Variants in EPHX3 observed in about 807,000 individuals in gnomAD.
The protein encoded by EPHX3 is abhydrolase domain containing 9.
EPHX3 carries 39 observed loss-of-function variants against 40.2 expected under a neutral mutation model. The ratio of observed to expected loss-of-function variants is 0.97; its 90% CI spans 0.75 to 1.27. EPHX3 has a LOEUF of 1.27. Ranked by LOEUF, EPHX3 falls within the 50% of genes most tolerant of loss-of-function variation. The pLI is 0.00. For missense variants in EPHX3, 442 were observed against 474.0 expected (o/e 0.93, Z 0.63); for synonymous variants, 213 against 209.7 (o/e 1.02, Z -0.14).
chr19:15,227,531 T>G lies in EPHX3; in HGVS notation c.989A>C (p.His330Pro). The change falls in exon 7 of 7, where the codon CAC (histidine) becomes CCC (proline). Residue 330 changes from histidine to proline, a missense_variant. Physicochemically the swap from His to Pro is moderately conservative, Grantham distance 77 (BLOSUM62 -2). Coordinates refer to ENST00000221730, the MANE Select transcript of EPHX3 (RefSeq NM_024794.3). Reference protein sequence around the residue: ...SRFVPGRLEAHILPGIGHWIP... With the variant: ...SRFVPGRLEAPILPGIGHWIP... ...CCAATGCCCTATGCCTGGCAGGATG[T>G]GGGCCTCCAAGCGGCCCGGCACAAA... 1 of 1,614,114 alleles carries G rather than the reference T, an allele frequency of 6.2e-7. No individual in the cohort carries two copies. The highest frequency in any genetic ancestry group is 8.5e-7 in the Non-Finnish European group (1 of 1,180,012).
At chr19:15,229,387 C>T (rs1720544387) in intron 4 of EPHX3, among the ~76,000 whole-genome samples, 1 of 151,960 alleles carries the variant, frequency 6.6e-6, no homozygotes, top group South Asian at 2.1e-4. Context: ...ATCGCTTGAG[C>T]CCAGGAGTTC....
upstream of EPHX3, chr19:15,232,560 A>T (rs1339805675): frequency 1.7e-6 from 1 of 583,642 alleles, no homozygotes; most frequent in Non-Finnish European, 2.4e-6. Context: ...AAGACTCAGC[A>T]GCGGGTGGGT....
Position 15,232,194 on chromosome 19 carries a change from C to A in EPHX3, c.18G>T (p.Val6=). ...GGCGCGACGGCGCCAGCAGCGCGGT[C>A]ACCACCAGCTCCGGCATGTCGCCGC... The part of the protein sequence containing the change: MPELV[V]TALLAPSRLS... Residue 6 remains valine (V), a synonymous_variant, in exon 1 of 7, where the codon GTG becomes GTT. Transcript: ENST00000221730. 2.0e-6 allele frequency: 3 copies of A among 1,520,120 alleles called. No homozygotes were observed. In the South Asian group the frequency reaches 3.6e-5, roughly 18 times the overall value. 94.2% of individuals were successfully genotyped at this position (1,520,120 alleles called of 1,614,324 possible).
At chr19:15,231,645 G>C in intron 2 of EPHX3, 131 bp downstream of exon 2, 1 of 1,057,098 alleles carries the variant, frequency 9.5e-7, no homozygotes. Flanking sequence ...GGGTATGCTG[G>C]CTCAGTACCC....
Position 15,232,328 on chromosome 19 carries a change from C to T in EPHX3, c.-117G>A. 7.3e-7 allele frequency: 1 copy of T among 1,378,096 alleles called. No individual in the cohort carries two copies. Among genetic ancestry groups the T allele is most frequent in the South Asian group, 1.7e-5 (1 of 59,786 alleles). The allele number at this position is 1,378,096 out of a possible 1,614,324, so 85.4% of individuals were successfully genotyped here. ...TTGGCCTGGGGCCCCTCCGTGCCGT[C>T]GGGATTTGTGGGACGCGCTGAAGGA... On this transcript the variant is annotated 5_prime_UTR_variant, in exon 1 of 7. Transcript: ENST00000221730.
rs1568370873 is a variant in EPHX3 at position 15,227,601 on chromosome 19, C to T, written c.919G>A (p.Asp307Asn). 6.2e-7 allele frequency: 1 copy of T among 1,614,106 alleles called. No individual in the cohort carries two copies. The highest frequency in any genetic ancestry group is 2.2e-5 in the East Asian group (1 of 44,872). ...TPTLLLWGEKDTYLELGLVEA... is the reference protein window; with the variant it reads ...TPTLLLWGEKNTYLELGLVEA... ...ACCAGCCCCAGCTCCAAGTAAGTGT[C>T]CTTCTCCCCCCACAGCAGCAATGTG... is the stretch of plus-strand genomic sequence containing the variant. Residue 307 changes from aspartate to asparagine, a missense_variant, in exon 7 of 7, where the codon GAC (aspartate) becomes AAC (asparagine). Asp to Asn is a conservative substitution (Grantham distance 23). Coordinates refer to ENST00000221730, the MANE Select transcript of EPHX3 (RefSeq NM_024794.3).
chr19:15,235,207 G>A (rs2047183096), upstream of EPHX3, among the ~76,000 whole-genome samples: 1 of 152,042 alleles, frequency 6.6e-6, no homozygotes, highest in African/African-American at 2.4e-5. Context: ...GTTTCACCAT[G>A]TTGGCCAGGC....
chr19:15,231,761 T>A lies in EPHX3; in HGVS notation c.329+15A>T. 6.2e-7 allele frequency: 1 copy of A among 1,613,602 alleles called. No individual in the cohort carries two copies. The highest frequency in any genetic ancestry group is 8.5e-7 in the Non-Finnish European group (1 of 1,179,846). On this transcript the variant is annotated intron_variant, in intron 2 of 6. Coordinates refer to ENST00000221730, the MANE Select transcript of EPHX3 (RefSeq NM_024794.3). ...CCGAGTCCCGTGGGCCTCAGGCCCCTGGCCCCAGACGTACCAGTTCTCAGG... is the reference window on the plus strand; with the variant it reads ...CCGAGTCCCGTGGGCCTCAGGCCCCAGGCCCCAGACGTACCAGTTCTCAGG...
upstream of EPHX3, chr19:15,235,671 T>C (rs373284227): frequency 2.5e-4 from 38 of 152,306 alleles, no homozygotes; most frequent in East Asian, 6.6e-3. Flanking sequence ...GACATAATTA[T>C]TGGCCAAGCG....
At chr19:15,232,892 A>G (rs1239062217), upstream of EPHX3, 1 of 152,058 alleles carries the variant, frequency 6.6e-6, no homozygotes, top group African/African-American at 2.4e-5. Context: ...AAGAAAAAAA[A>G]AAAAGGCAAT....
chr19:15,229,594 GAAA>G (rs770587568), intron 4 of EPHX3, among the ~76,000 whole-genome samples: 2 of 97,274 alleles, frequency 2.1e-5, no homozygotes, highest in African/African-American at 3.8e-5. Flanking sequence ...TCCATCTCAA[GAAA>G]AAAAAAAAAA....
At chr19:15,230,872 G>T in intron 4 of EPHX3, 90 bp downstream of exon 4, 2 of 1,535,734 alleles carry the variant, frequency 1.3e-6, no homozygotes, top group South Asian at 1.2e-5. Flanking sequence ...CTGATGTGTT[G>T]ACAGGTATAC....
In EPHX3 at chr19:15,227,314, C is replaced by T; in HGVS notation, c.*123G>A. The T allele has an allele frequency of 1.2e-6, 1 of 804,416 alleles. No homozygotes were observed. Among genetic ancestry groups the T allele is most frequent in the Non-Finnish European group, 2.0e-6 (1 of 492,750 alleles). The allele number at this position is 804,416 out of a possible 1,614,324, so 49.8% of individuals were successfully genotyped here. ...TTGTGTGGGATCCAGGAGTCCCATG[C>T]CTATGAGCGATTCAAGAGTTCACCC... On this transcript the variant is annotated 3_prime_UTR_variant, in exon 7 of 7. Coordinates refer to ENST00000221730, the MANE Select transcript of EPHX3 (RefSeq NM_024794.3).
At position 15,231,661 on chromosome 19, in the gene EPHX3, C is replaced by T. The variant is rs1045584471; in HGVS notation, c.329+115G>A. The T allele has an allele frequency of 7.8e-6, 9 of 1,156,132 alleles. No homozygotes were observed. The African/African-American group carries it at 1.1e-4, about 14-fold the overall frequency. 71.6% of individuals were successfully genotyped at this position (1,156,132 alleles called of 1,614,324 possible). ...GGTATGCTGGCTCAGTACCCCTATC[C>T]CCATCTATGTTCAGCTTGTCCCGAT... On this transcript the variant is annotated intron_variant, in intron 2 of 6. Coordinates refer to ENST00000221730, the MANE Select transcript of EPHX3 (RefSeq NM_024794.3).
In EPHX3 at chr19:15,231,076, T is replaced by A; in HGVS notation, c.502A>T (p.Ile168Phe). The A allele has an allele frequency of 6.2e-7, 1 of 1,614,016 alleles. No homozygotes were observed. The highest frequency in any genetic ancestry group is 8.5e-7 in the Non-Finnish European group (1 of 1,180,012). The change falls in exon 4 of 7, where the codon ATC becomes TTC. Residue 168 changes from isoleucine to phenylalanine, a missense_variant. Ile to Phe is a conservative substitution (Grantham distance 21). Transcript: ENST00000221730. ...VILGLGYSKC[I>F]LVAHDWGALL... ...GCACCCCAGTCATGGGCCACAAGGA[T>A]GCACTTCGAGTAACCTGTGGGAATT...
intron 4 of EPHX3, among the ~76,000 whole-genome samples, chr19:15,229,684 G>A (rs1376837526): frequency 6.6e-6 from 1 of 150,832 alleles, no homozygotes; most frequent in Non-Finnish European, 1.5e-5. Flanking sequence ...CACAAGGTCA[G>A]GAGATCAAGA....
chr19:15,234,157 A>G (rs2047174921), upstream of EPHX3, among the ~76,000 whole-genome samples: 1 of 152,288 alleles, frequency 6.6e-6, no homozygotes, highest in East Asian at 1.9e-4. Context: ...TTAACCATAG[A>G]GCAACCCTAT....
At chr19:15,233,357 G>A (rs1243196065), upstream of EPHX3, 4 of 152,362 alleles carry the variant, frequency 2.6e-5, no homozygotes, top group Non-Finnish European at 5.9e-5. Flanking sequence ...CCCACCCAGG[G>A]GCGCGCGACC....
At chr19:15,228,526 T>C (rs1238011047) in intron 4 of EPHX3, among the ~76,000 whole-genome samples, 9 of 129,326 alleles carry the variant, frequency 7.0e-5, no homozygotes, top group Non-Finnish European at 1.1e-4. Flanking sequence ...TTTTTTTTTT[T>C]TTTTTTTTTT....
Sources: allele counts gnomAD v4.1 joint callset (sites outside exome capture counted in the v4.1 genomes callset), GRCh38; gene constraint gnomAD v4.1.1; transcripts MANE v1.5; gene names NCBI Gene and HGNC (gene_info 2026-07-23, HGNC 2026-07-21).